The following AOPEP variants were observed in gnomAD, a reference collection of about 807,000 sequenced individuals.
AOPEP encodes aminopeptidase O (putative).
AOPEP carries 77 observed loss-of-function variants against 98.1 expected under a neutral mutation model. The ratio of observed to expected loss-of-function variants is 0.78; its 90% CI spans 0.65 to 0.95. AOPEP has a LOEUF of 0.95. Ranked by LOEUF, AOPEP falls within the 40% of genes least tolerant of loss-of-function variation. The pLI, the probability that AOPEP is intolerant of heterozygous loss-of-function variation, is 0.00. For missense variants in AOPEP, 1,024 were observed against 1,024.7 expected, an observed-to-expected ratio of 1.00 and a Z score of 0.01; for synonymous variants, 346 against 365.3, an observed-to-expected ratio of 0.95 and a Z score of 0.60.
At chr9:95,088,437 G>A (rs767405286), downstream of AOPEP, among the ~76,000 whole-genome samples, 4 of 152,096 alleles carry the variant, frequency 2.6e-5, no homozygotes, top group East Asian at 1.9e-4. Flanking sequence ...TCGAACTCCC[G>A]ACCTCACGTG....
At position 95,086,711 on chromosome 9, in the gene AOPEP, TCTC is replaced by T; in HGVS notation, c.*40_*42del. 1.0e-6 allele frequency: 1 copy of T among 988,284 alleles called. No individual in the cohort carries two copies. Among genetic ancestry groups the T allele is most frequent in the Non-Finnish European group, 1.2e-6 (1 of 830,514 alleles). 61.2% of individuals were successfully genotyped at this position (988,284 alleles called of 1,614,324 possible). On this transcript the variant is annotated 3_prime_UTR_variant, in exon 17 of 17. Transcript: ENST00000375315. ...GACCACAGCAAGATTCTTTCATTCGTCTCCTCCTAGCCTGGGGGACCAGGCTCG... is the reference window on the plus strand; with the variant it reads ...GACCACAGCAAGATTCTTTCATTCGTCTCCTAGCCTGGGGGACCAGGCTCG...
At chr9:95,023,057 C>T (rs892087433) in intron 13 of AOPEP, among the ~76,000 whole-genome samples, 1 of 152,184 alleles carries the variant, frequency 6.6e-6, no homozygotes, top group South Asian at 2.1e-4. Context: ...TGGACCGACT[C>T]GCTTCTCTAA....
At chr9:95,005,496 A>G in intron 12 of AOPEP, 46 bp from the exon 13 acceptor site, 2 of 1,553,288 alleles carry the variant, frequency 1.3e-6, no homozygotes, top group Non-Finnish European at 1.8e-6. Context: ...GATGGCCGTC[A>G]GGACCCTGTC....
At chr9:94,949,063 C>G (rs1396769396) in intron 7 of AOPEP, among the ~76,000 whole-genome samples, 1 of 152,212 alleles carries the variant, frequency 6.6e-6, no homozygotes, top group Non-Finnish European at 1.5e-5. Context: ...TGTCTTGGCT[C>G]TCCGTTTTTC....
At chr9:94,966,688 C>T (rs2059221581) in intron 9 of AOPEP, among the ~76,000 whole-genome samples, 1 of 152,186 alleles carries the variant, frequency 6.6e-6, no homozygotes, top group South Asian at 2.1e-4. Flanking sequence ...ACACACTTAG[C>T]AAATAAAAAT....
chr9:95,057,940 T>C (rs2066973812), intron 13 of AOPEP, among the ~76,000 whole-genome samples: 1 of 152,212 alleles, frequency 6.6e-6, no homozygotes, highest in Non-Finnish European at 1.5e-5. Context: ...CCATCCTTGC[T>C]TCTTACCTCT....
chr9:95,090,369 C>A (rs571326757), downstream of AOPEP, among the ~76,000 whole-genome samples: 60 of 152,366 alleles, frequency 3.9e-4, no homozygotes, highest in African/African-American at 1.4e-3. Context: ...AGGAGCCGGG[C>A]AGCCCAGTGC....
At chr9:95,045,286 G>A (rs923855853) in intron 13 of AOPEP, among the ~76,000 whole-genome samples, 10 of 152,242 alleles carry the variant, frequency 6.6e-5, no homozygotes, top group Admixed American at 5.9e-4. Context: ...AGCTCCGCAG[G>A]CGCAGGAGGG....
chr9:94,808,309 G>C (rs939789398), intron 5 of AOPEP, among the ~76,000 whole-genome samples: 1 of 152,156 alleles, frequency 6.6e-6, no homozygotes, highest in Non-Finnish European at 1.5e-5. Context: ...TGAAGTGCTG[G>C]GATTACAGGC....
At chr9:94,833,525 C>T (rs1408453980) in intron 5 of AOPEP, among the ~76,000 whole-genome samples, 4 of 152,122 alleles carry the variant, frequency 2.6e-5, no homozygotes, top group Admixed American at 2.0e-4. Context: ...GTGTGAGCCA[C>T]CGCGCCTGGC....
At chr9:94,869,971 A>ATTTTTTTT (rs10556167) in intron 5 of AOPEP, among the ~76,000 whole-genome samples, 1 of 93,554 alleles carries the variant, frequency 1.1e-5, no homozygotes, top group African/African-American at 4.4e-5. Context: ...GAAGCCATGA[A>ATTTTTTTT]TTTTTTTTTT....
rs1045340962 is a variant in AOPEP, at chr9:94,931,766, C to T, written c.1661+3235C>T. The T allele has an allele frequency of 9.0e-6, 14 of 1,550,392 alleles. No homozygotes were observed. In the African/African-American group the frequency reaches 1.9e-4, roughly 21 times the overall value. Reference sequence around the variant, plus strand: ...GAAGCTTCTCTTGAGATCTTTGCCACACTGTTCAACATGTTTGACCACTCT... The same window carrying T: ...GAAGCTTCTCTTGAGATCTTTGCCATACTGTTCAACATGTTTGACCACTCT... On this transcript the variant is annotated intron_variant, in intron 7 of 16. Transcript: ENST00000375315.
At chr9:95,145,056 A>T in the AOPEP span, among the ~76,000 whole-genome samples, 107,723 of 152,178 alleles carry the variant, frequency 0.71, 39,035 homozygotes, top group East Asian at 0.91. Flanking sequence ...TAATCTTCTA[A>T]TTCTCTTTTT....
chr9:94,898,555 C>T (rs1178003280), intron 5 of AOPEP, among the ~76,000 whole-genome samples: 1 of 151,758 alleles, frequency 6.6e-6, no homozygotes, highest in African/African-American at 2.4e-5. Context: ...ATCGCTTGAA[C>T]CCAGGAGGTG....
At chr9:95,147,475 C>T in the AOPEP span, among the ~76,000 whole-genome samples, 1 of 152,130 alleles carries the variant, frequency 6.6e-6, no homozygotes, top group Non-Finnish European at 1.5e-5. Flanking sequence ...GAGATTGCAC[C>T]ACTGTACTCC....
chr9:95,137,831 C>T, the AOPEP span, among the ~76,000 whole-genome samples: 1 of 152,126 alleles, frequency 6.6e-6, no homozygotes, highest in African/African-American at 2.4e-5. Flanking sequence ...CATCAGAGCA[C>T]GAGAAGATAC....
chr9:94,748,615 G>A (rs1835037137), intron 1 of AOPEP, among the ~76,000 whole-genome samples: 3 of 152,040 alleles, frequency 2.0e-5, no homozygotes, highest in Non-Finnish European at 4.4e-5. Flanking sequence ...CTTTTTGTTT[G>A]TTTGTTTGTT....
chr9:94,979,243 C>G, intron 10 of AOPEP, 124 bp from the exon 11 acceptor site: 1 of 625,140 alleles, frequency 1.6e-6, no homozygotes, highest in Admixed American at 2.4e-5. Flanking sequence ...GCTGCCCTTT[C>G]TGTAAAGCAC....
At chr9:95,124,281 AC>A in the AOPEP span, among the ~76,000 whole-genome samples, 7 of 152,242 alleles carry the variant, frequency 4.6e-5, no homozygotes, top group Admixed American at 2.6e-4. Flanking sequence ...GATGCACTGG[AC>A]CAGCACCACT....
Sources: gnomAD v4.1 joint callset for allele counts (sites outside exome capture counted in the v4.1 genomes callset) on GRCh38, gnomAD v4.1.1 for gene constraint, MANE v1.5 for transcripts, NCBI Gene and HGNC (gene_info 2026-07-23, HGNC 2026-07-21) for gene names.